The following NRG1 variants were observed in gnomAD, a reference collection of about 807,000 sequenced individuals.
NRG1 encodes the protein neuregulin 1.
NRG1 carries 18 observed loss-of-function variants against 63.8 expected under a neutral mutation model. The observed-to-expected ratio is 0.28, with a 90% CI of 0.19 to 0.42. The LOEUF (loss-of-function observed/expected upper bound fraction) is 0.42, where lower values mean the gene tolerates loss of function less well. Among genes scored for constraint, NRG1 ranks in the 10% least tolerant of loss-of-function variants. The pLI, the probability that NRG1 is intolerant of heterozygous loss-of-function variation, is 1.00. For missense variants in NRG1, 762 were observed against 814.7 expected (o/e 0.94, Z 0.79); for synonymous variants, 302 against 301.3 (o/e 1.00, Z -0.02).
chr8:31,742,790 G>T (rs1336301203), intron 1 of NRG1, among the ~76,000 whole-genome samples: 6 of 151,828 alleles, frequency 4.0e-5, no homozygotes, highest in South Asian at 2.1e-4. Flanking sequence ...GGCTTCTAAG[G>T]TCTCTGTGAG....
At chr8:31,944,278 T>C (rs1802206211) in intron 1 of NRG1, among the ~76,000 whole-genome samples, 1 of 152,142 alleles carries the variant, frequency 6.6e-6, no homozygotes, top group Admixed American at 6.5e-5. Flanking sequence ...TGATATTGAG[T>C]GTATACTATG....
At chr8:32,657,555 A>G (rs554389369) in intron 5 of NRG1, among the ~76,000 whole-genome samples, 291 of 152,304 alleles carry the variant, frequency 1.9e-3, no homozygotes, top group Admixed American at 3.4e-3. Flanking sequence ...TAGCCTGATG[A>G]CTTTCAGTGT....
intron 1 of NRG1, among the ~76,000 whole-genome samples, chr8:31,842,081 A>C (rs777261380): frequency 2.0e-5 from 3 of 152,206 alleles, no homozygotes; most frequent in Non-Finnish European, 4.4e-5. Flanking sequence ...TTATTCCATA[A>C]TGGGGGCATA....
At chr8:31,986,029 G>T (rs1383447149) in intron 1 of NRG1, among the ~76,000 whole-genome samples, 3 of 152,130 alleles carry the variant, frequency 2.0e-5, no homozygotes, top group Non-Finnish European at 4.4e-5. Flanking sequence ...TCCTCTAAGT[G>T]ATCTCAGTCG....
chr8:32,711,128 GTGGCTGTATTA>G (rs1218486547), intron 5 of NRG1, among the ~76,000 whole-genome samples: 2 of 152,008 alleles, frequency 1.3e-5, no homozygotes, highest in Admixed American at 1.3e-4. Flanking sequence ...GAATATTTCA[GTGGCTGTATTA>G]TGGGCCTAGC....
intron 6 of NRG1, among the ~76,000 whole-genome samples, chr8:32,736,417 C>G (rs1162425569): frequency 2.0e-5 from 3 of 152,120 alleles, no homozygotes; most frequent in African/African-American, 7.2e-5. Context: ...GAAAACAGAC[C>G]AGCATAGTTG....
At chr8:32,266,879 CAAAA>C (rs60715824) in intron 1 of NRG1, among the ~76,000 whole-genome samples, 237 of 112,790 alleles carry the variant, frequency 2.1e-3, no homozygotes, top group Middle Eastern at 8.8e-3. Context: ...ACTAAAAATA[CAAAA>C]AAAAAAAAAA....
chr8:31,826,644 C>T (rs1418418038), intron 1 of NRG1, among the ~76,000 whole-genome samples: 2 of 152,144 alleles, frequency 1.3e-5, no homozygotes, highest in African/African-American at 4.8e-5. Flanking sequence ...GGAATAACAT[C>T]ACTGGGTGGG....
rs150303252 is a variant in NRG1, at chr8:31,766,334, T to C, written c.37+126903T>C. Among the ~76,000 whole-genome samples, 1,569 of 152,298 alleles carry C rather than the reference T, an allele frequency of 0.01. 50 individuals are homozygous for C. The South Asian group carries it at 0.12, about 11-fold the overall frequency. ...TAGATAAGTGTCTTCACCCCTCTGTTACTAGCCTGTGTTCAGTCTAGTAAA... is the reference window on the plus strand; with the variant it reads ...TAGATAAGTGTCTTCACCCCTCTGTCACTAGCCTGTGTTCAGTCTAGTAAA... On this transcript the variant is annotated intron_variant, in intron 1 of 10. Coordinates refer to the NRG1 transcript ENST00000519301.
Position 32,247,733 on chromosome 8 carries a change from C to T in NRG1, c.38-348095C>T, listed in dbSNP as rs548167562. 1.3e-5 allele frequency among the ~76,000 whole-genome samples: 2 copies of T among 152,080 alleles called. 1 individual carries two copies. The highest frequency in any genetic ancestry group is 4.1e-4 in the South Asian group (2 of 4,820). On this transcript the variant is annotated intron_variant, in intron 1 of 10. Coordinates refer to the NRG1 transcript ENST00000519301. ...GTAACATGATTGTAAAGAATCTTAG[C>T]TTTTTCAAAAGGGAGAAGACTTTAT...
chr8:32,145,173 G>C (rs1836736031), intron 1 of NRG1, among the ~76,000 whole-genome samples: 2 of 152,172 alleles, frequency 1.3e-5, no homozygotes, highest in Non-Finnish European at 2.9e-5. Flanking sequence ...GTGCTTTGCT[G>C]TATCTAATGA....
chr8:31,918,346 G>C (rs1585745234), intron 1 of NRG1, among the ~76,000 whole-genome samples: 1 of 152,210 alleles, frequency 6.6e-6, no homozygotes, highest in Non-Finnish European at 1.5e-5. Flanking sequence ...GTTTGTCATA[G>C]ATAGCTCTTA....
chr8:31,807,187 A>G (rs1822368634), intron 1 of NRG1, among the ~76,000 whole-genome samples: 1 of 152,210 alleles, frequency 6.6e-6, no homozygotes, highest in Non-Finnish European at 1.5e-5. Context: ...TTCTTTCAAC[A>G]TGGCAAAAGC....
At chr8:31,714,638 G>T (rs143771458) in intron 1 of NRG1, among the ~76,000 whole-genome samples, 13 of 152,086 alleles carry the variant, frequency 8.5e-5, no homozygotes, top group African/African-American at 3.1e-4. Context: ...GAAATAAAAA[G>T]CACTTTGCTT....
intron 7 of NRG1, among the ~76,000 whole-genome samples, chr8:32,750,095 A>G (rs1828383538): frequency 6.6e-6 from 1 of 152,226 alleles, no homozygotes; most frequent in Non-Finnish European, 1.5e-5. Flanking sequence ...GTTACAACAC[A>G]ATATTAAATG....
chr8:32,175,779 T>A (rs1031000123), intron 1 of NRG1, among the ~76,000 whole-genome samples: 11 of 152,288 alleles, frequency 7.2e-5, no homozygotes, highest in Non-Finnish European at 8.8e-5. Flanking sequence ...TTACAAGGGA[T>A]GTGAAGGACC....
intron 1 of NRG1, among the ~76,000 whole-genome samples, chr8:31,969,891 CT>C (rs1479659030): frequency 1.3e-5 from 2 of 152,144 alleles, no homozygotes; most frequent in Non-Finnish European, 2.9e-5. Flanking sequence ...AGACAAAACA[CT>C]CCTGGCATGA....
At chr8:32,528,434 ACCT>A (rs1831107856) in intron 1 of NRG1, among the ~76,000 whole-genome samples, 1 of 152,212 alleles carries the variant, frequency 6.6e-6, no homozygotes, top group African/African-American at 2.4e-5. Context: ...TTCTCAGGTG[ACCT>A]CAAAGGCAAG....
At chr8:32,390,629 G>A (rs1049466864) in intron 1 of NRG1, among the ~76,000 whole-genome samples, 12 of 148,256 alleles carry the variant, frequency 8.1e-5, no homozygotes, top group African/African-American at 3.0e-4. Flanking sequence ...AGAAGAAGAA[G>A]AAGAAAAGAA....
Sources: gnomAD v4.1 joint callset for allele counts (sites outside exome capture counted in the v4.1 genomes callset) on GRCh38, gnomAD v4.1.1 for gene constraint, MANE v1.5 for transcripts, NCBI Gene and HGNC (gene_info 2026-07-23, HGNC 2026-07-21) for gene names.